Variants in KANK1 observed in about 807,000 individuals in gnomAD.
The protein encoded by KANK1 is KN motif and ankyrin repeat domains 1.
KANK1 carries 109 observed loss-of-function variants against 106.2 expected under a neutral mutation model. The observed-to-expected ratio is 1.03, with a 90% CI of 0.88 to 1.20. The LOEUF (loss-of-function observed/expected upper bound fraction) is 1.20, where lower values mean the gene tolerates loss of function less well. Ranked by LOEUF, KANK1 falls within the 50% of genes most tolerant of loss-of-function variation. The pLI is 0.00. For synonymous variants in KANK1, 873 were observed against 652.2 expected, an observed-to-expected ratio of 1.34 and a Z score of -5.16; for missense variants, 2,399 against 1,710.7, an observed-to-expected ratio of 1.40 and a Z score of -7.10.
chr9:727,714 G>GTGTGTA lies in KANK1; in HGVS notation c.2699-2334_2699-2333insGTATGT, dbSNP rs943081479. On this transcript the variant is annotated intron_variant, in intron 3 of 11. Coordinates refer to ENST00000382297, the MANE Select transcript of KANK1 (RefSeq NM_015158.5). The stretch of plus-strand genomic sequence containing the variant: ...TGTGTGTGTGTGTGTGTGTGTGTGT[G>GTGTGTA]TGTATGTGTGTGTGTGGTAATGTAT... Among the ~76,000 whole-genome samples, 6 of 150,216 alleles carry GTGTGTA rather than the reference G, an allele frequency of 4.0e-5. No homozygotes were observed. The South Asian group carries it at 1.3e-3, about 32-fold the overall frequency.
Position 745,190 on chromosome 9 carries a change from A to G in KANK1, c.4014A>G (p.Gly1338=). 1 of 1,614,094 alleles carries G rather than the reference A, an allele frequency of 6.2e-7. No individual in the cohort carries two copies. Among genetic ancestry groups the G allele is most frequent in the African/African-American group, 1.3e-5 (1 of 75,028 alleles). Residue 1338 remains glycine (G), a synonymous_variant, in exon 12 of 12, where the codon GGA becomes GGG. Coordinates refer to ENST00000382297, the MANE Select transcript of KANK1 (RefSeq NM_015158.5). ...GTCTCTAGGGCACCCCTAGGCTTGG[A>G]AGGAAGACGTCTCCTGGCCCCACCC... The part of the protein sequence containing the change: ...KAQSPGTPRL[G]RKTSPGPTHR...
chr9:730,478 G>A, intron 4 of KANK1: 1 of 502,410 alleles, frequency 2.0e-6, no homozygotes, highest in East Asian at 3.8e-5. Flanking sequence ...GATCATTTGA[G>A]GCCAGGAGTT....
intron 3 of KANK1, among the ~76,000 whole-genome samples, chr9:486,023 C>G (rs922106753): frequency 5.1e-4 from 78 of 152,154 alleles, no homozygotes; most frequent in African/African-American, 1.7e-3. Context: ...TTCCCGTTGT[C>G]TTTAGCCAGT....
intron 1 of KANK1, among the ~76,000 whole-genome samples, chr9:610,389 C>A (rs535502791): frequency 6.6e-6 from 1 of 152,000 alleles, no homozygotes; most frequent in African/African-American, 2.4e-5. Context: ...AAAAGATAGT[C>A]CTGAAGAATT....
chr9:652,704 G>C (rs960913697), intron 1 of KANK1, among the ~76,000 whole-genome samples: 1 of 152,198 alleles, frequency 6.6e-6, no homozygotes, highest in African/African-American at 2.4e-5. Context: ...CATTTGGGAA[G>C]AATGTATAGG....
chr9:689,421 G>A (rs908174553), intron 2 of KANK1, among the ~76,000 whole-genome samples: 1 of 152,182 alleles, frequency 6.6e-6, no homozygotes, highest in African/African-American at 2.4e-5. Flanking sequence ...TCCTCATGTG[G>A]AAGGCAGGGT....
chr9:726,074 C>G (rs60673980), intron 3 of KANK1, among the ~76,000 whole-genome samples: 1 of 152,080 alleles, frequency 6.6e-6, no homozygotes, highest in East Asian at 1.9e-4. Context: ...CTAATACATA[C>G]ATATGTAAAT....
At chr9:532,763 A>T (rs187322190) in intron 1 of KANK1, among the ~76,000 whole-genome samples, 1 of 152,130 alleles carries the variant, frequency 6.6e-6, no homozygotes, top group African/African-American at 2.4e-5. Context: ...AAACTGCTTC[A>T]GTTTATTATG....
intron 1 of KANK1, among the ~76,000 whole-genome samples, chr9:507,081 C>G (rs898293150): frequency 5.3e-5 from 8 of 151,132 alleles, no homozygotes; most frequent in African/African-American, 1.5e-4. Flanking sequence ...AACTTGTTTT[C>G]AAGTGTTTCG....
chr9:670,753 C>T (rs1296570491), intron 1 of KANK1, among the ~76,000 whole-genome samples: 1 of 152,138 alleles, frequency 6.6e-6, no homozygotes, highest in East Asian at 1.9e-4. Flanking sequence ...ACTCCTGATG[C>T]TTCTCATGGG....
In KANK1 at chr9:519,242, G is replaced by A. The variant is rs145246783; in HGVS notation, c.-84+14488G>A. 7.1e-3 allele frequency among the ~76,000 whole-genome samples: 1,070 copies of A among 151,718 alleles called. 39 individuals carry two copies. Among genetic ancestry groups the A allele is most frequent in the African/African-American group, 0.024 (984 of 41,066 alleles). ...AATTGTGTCTTTTCCCCCAAAGCCC[G>A]CTCTCACGACAGCCTCTGGATATCA... On this transcript the variant is annotated intron_variant, in intron 1 of 11. Transcript: ENST00000382297.
Position 745,788 on chromosome 9 carries a change from G to A in KANK1, c.*553G>A, listed in dbSNP as rs1837018084. 1 of 152,604 alleles carries A rather than the reference G, an allele frequency of 6.6e-6. No homozygotes were observed. Among genetic ancestry groups the A allele is most frequent in the African/African-American group, 2.4e-5 (1 of 41,414 alleles). 9.5% of individuals were successfully genotyped at this position (152,604 alleles called of 1,614,324 possible). A position where few individuals can be genotyped will look rare whatever the true frequency, so the allele number is the denominator to read the frequency against. ...CTCATTTGGTCTTAACTAGGTAGAT[G>A]TAATATATGACTTTTTATAAAAAGG... On this transcript the variant is annotated 3_prime_UTR_variant, in exon 12 of 12. Transcript: ENST00000382297.
intron 1 of KANK1, among the ~76,000 whole-genome samples, chr9:515,234 A>T (rs903519355): frequency 1.3e-5 from 2 of 151,060 alleles, no homozygotes; most frequent in African/African-American, 2.5e-5. Context: ...AGTCCCAGCT[A>T]CTCGGGAGGC....
rs200079300 is a variant in KANK1, at chr9:724,801, C to CA, written c.2699-5242dup. On this transcript the variant is annotated intron_variant, in intron 3 of 11. Transcript: ENST00000382297. Reference sequence around the variant, plus strand: ...TGGGCGACAGAGCGAGACTCAATCTCAAAAAAAACAAGAGTGTTCTGGCAT... The same window carrying CA: ...TGGGCGACAGAGCGAGACTCAATCTCAAAAAAAAACAAGAGTGTTCTGGCAT... Among the ~76,000 whole-genome samples, 137 of 147,092 alleles carry CA rather than the reference C, an allele frequency of 9.3e-4. 1 individual carries two copies. The highest frequency in any genetic ancestry group is 1.9e-3 in the South Asian group (9 of 4,632).
chr9:692,336 T>G (rs202212761), intron 2 of KANK1, among the ~76,000 whole-genome samples: 50 of 67,032 alleles, frequency 7.5e-4, no homozygotes, highest in African/African-American at 2.1e-3. Flanking sequence ...ATGGCACTTA[T>G]TTGGGCTTGG....
intron 1 of KANK1, among the ~76,000 whole-genome samples, chr9:627,401 T>C (rs1834613595): frequency 6.6e-6 from 1 of 152,132 alleles, no homozygotes; most frequent in Non-Finnish European, 1.5e-5. Flanking sequence ...GCCACAGAGC[T>C]TCTGCCCCCT....
intron 1 of KANK1, among the ~76,000 whole-genome samples, chr9:581,957 G>A (rs1822267736): frequency 6.6e-6 from 1 of 152,182 alleles, no homozygotes; most frequent in Non-Finnish European, 1.5e-5. Flanking sequence ...TTAAGTGTGA[G>A]AGATCTTGCT....
chr9:649,342 G>A (rs10975577), intron 1 of KANK1, among the ~76,000 whole-genome samples: 3,717 of 152,064 alleles, frequency 0.024, 170 homozygotes, highest in African/African-American at 0.084. Context: ...TAACACCCTC[G>A]AAAGCGTCCC....
At chr9:479,233 G>A (rs527618449) in intron 3 of KANK1, among the ~76,000 whole-genome samples, 2 of 152,264 alleles carry the variant, frequency 1.3e-5, no homozygotes, top group East Asian at 1.9e-4. Flanking sequence ...GTTAACAGAC[G>A]CATAAGCTAT....
Sources: allele counts gnomAD v4.1 joint callset (sites outside exome capture counted in the v4.1 genomes callset), GRCh38; gene constraint gnomAD v4.1.1; transcripts MANE v1.5; gene names NCBI Gene and HGNC (gene_info 2026-07-23, HGNC 2026-07-21).